The following HOOK3 variants were observed in gnomAD, a reference collection of about 807,000 sequenced individuals.
HOOK3 encodes hook microtubule tethering protein 3.
In HOOK3, 24 loss-of-function variants were observed where a neutral mutation model predicts 116.3. The ratio of observed to expected loss-of-function variants is 0.21; its 90% CI spans 0.15 to 0.29. The LOEUF is 0.29. Ranked by LOEUF, HOOK3 falls within the 10% of genes least tolerant of loss-of-function variation. The pLI, the probability that HOOK3 is intolerant of heterozygous loss-of-function variation, is 1.00. For missense variants in HOOK3, 632 were observed against 830.2 expected (o/e 0.76, Z 2.93); for synonymous variants, 275 against 283.0 (o/e 0.97, Z 0.28).
intron 2 of HOOK3, among the ~76,000 whole-genome samples, chr8:42,917,659 C>T (rs933911019): frequency 7.9e-5 from 12 of 152,138 alleles, no homozygotes; most frequent in African/African-American, 2.9e-4. Context: ...AGAGTAAGGT[C>T]AGAAGTGCCA....
intron 1 of HOOK3, among the ~76,000 whole-genome samples, chr8:42,900,369 G>A (rs938775796): frequency 6.6e-6 from 1 of 152,122 alleles, no homozygotes; most frequent in African/African-American, 2.4e-5. Context: ...AGGTTTTAGA[G>A]ACTGAAAAAC....
At chr8:43,002,979 T>C (rs1210133912) in intron 17 of HOOK3, among the ~76,000 whole-genome samples, 2 of 152,250 alleles carry the variant, frequency 1.3e-5, no homozygotes, top group Non-Finnish European at 2.9e-5. Flanking sequence ...CATATTTTTT[T>C]TCATGAAGAA....
intron 18 of HOOK3, among the ~76,000 whole-genome samples, chr8:43,009,363 G>A (rs1245187149): frequency 6.6e-6 from 1 of 151,304 alleles, no homozygotes; most frequent in Non-Finnish European, 1.5e-5. Flanking sequence ...CCGAGATCTC[G>A]CCACTGTGCT....
At chr8:42,928,429 C>T (rs1047368070) in intron 3 of HOOK3, among the ~76,000 whole-genome samples, 3 of 151,008 alleles carry the variant, frequency 2.0e-5, no homozygotes, top group Admixed American at 6.6e-5. Flanking sequence ...CCAGCCTGGG[C>T]GACAGAGCAA....
intron 11 of HOOK3, among the ~76,000 whole-genome samples, chr8:42,972,308 T>A (rs1430818903): frequency 6.6e-6 from 1 of 152,236 alleles, no homozygotes; most frequent in Non-Finnish European, 1.5e-5. Context: ...CTCTAATTGC[T>A]TGGCTTAGGT....
At chr8:42,952,933 C>T (rs1808368168) in intron 6 of HOOK3, among the ~76,000 whole-genome samples, 3 of 151,952 alleles carry the variant, frequency 2.0e-5, no homozygotes, top group Admixed American at 1.3e-4. Flanking sequence ...GCTGCTGTGC[C>T]GTTCTTAATA....
In HOOK3 at chr8:43,023,205, C is replaced by CAAAAAAAAAA. The variant is rs766633886; in HGVS notation, c.*4721_*4730dup. On this transcript the variant is annotated 3_prime_UTR_variant, in exon 22 of 22. Coordinates refer to ENST00000307602, the MANE Select transcript of HOOK3 (RefSeq NM_032410.4). The stretch of plus-strand genomic sequence containing the variant: ...TGGGCCACAGAGTGAGACTCCATCT[C>CAAAAAAAAAA]AAAAAAAAAAAAAAAAAAAAAAAGA... 1.4e-5 allele frequency: 1 copy of CAAAAAAAAAA among 70,446 alleles called. No individual in the cohort carries two copies. Among genetic ancestry groups the CAAAAAAAAAA allele is most frequent in the Non-Finnish European group, 2.7e-5 (1 of 36,478 alleles). The allele number at this position is 70,446 out of a possible 1,614,324, so 4.4% of individuals were successfully genotyped here.
rs939075664 is a variant in HOOK3, at chr8:43,030,398, AAT to A, written c.*11905_*11906del. The A allele has an allele frequency of 6.7e-5, 12 of 179,214 alleles. No homozygotes were observed. Among genetic ancestry groups the A allele is most frequent in the Middle Eastern group, 2.0e-3 (1 of 490 alleles). The allele number at this position is 179,214 out of a possible 1,614,324, so 11.1% of individuals were successfully genotyped here. ...TGTATGTGTTTATATGTATGCATATAATATATGTATATGTATATGAAGAATAA... is the reference window on the plus strand; with the variant it reads ...TGTATGTGTTTATATGTATGCATATAATATGTATATGTATATGAAGAATAA... On this transcript the variant is annotated 3_prime_UTR_variant, in exon 22 of 22. Transcript: ENST00000307602.
At chr8:42,897,781 A>G (rs2130301043) in intron 1 of HOOK3, among the ~76,000 whole-genome samples, 1 of 152,358 alleles carries the variant, frequency 6.6e-6, no homozygotes, top group South Asian at 2.1e-4. Context: ...CTGATTTTGA[A>G]TTCTTAAACG....
At chr8:43,016,590 G>T (rs887505951) in intron 21 of HOOK3, among the ~76,000 whole-genome samples, 3 of 152,198 alleles carry the variant, frequency 2.0e-5, no homozygotes, top group Non-Finnish European at 4.4e-5. Context: ...GTATTAAGTA[G>T]CTCAGAGAAT....
At chr8:43,003,716 G>A (rs1809420549) in intron 17 of HOOK3, among the ~76,000 whole-genome samples, 1 of 152,196 alleles carries the variant, frequency 6.6e-6, no homozygotes, top group South Asian at 2.1e-4. Flanking sequence ...CTTGAGGTTT[G>A]GAGGGACAAT....
chr8:43,002,429 C>T (rs543372165), intron 17 of HOOK3, among the ~76,000 whole-genome samples: 3 of 152,258 alleles, frequency 2.0e-5, no homozygotes, highest in Admixed American at 6.5e-5. Flanking sequence ...ACACCTCTTT[C>T]TATAAGGGGT....
chr8:42,925,512 G>A (rs1807747221), intron 2 of HOOK3, 45 bp from the exon 3 acceptor site: 2 of 1,281,442 alleles, frequency 1.6e-6, no homozygotes, highest in Non-Finnish European at 2.2e-6. Context: ...TGTTTAGCTT[G>A]ATAGCTACAT....
intron 1 of HOOK3, among the ~76,000 whole-genome samples, chr8:42,901,916 G>T (rs547821157): frequency 2.6e-5 from 4 of 152,210 alleles, no homozygotes; most frequent in African/African-American, 9.6e-5. Flanking sequence ...CACTATGTTG[G>T]TCAGGCTGGT....
At chr8:42,949,205 A>G (rs1012510857) in intron 5 of HOOK3, among the ~76,000 whole-genome samples, 4 of 152,204 alleles carry the variant, frequency 2.6e-5, no homozygotes, top group Non-Finnish European at 4.4e-5. Flanking sequence ...AGGTAGGTTG[A>G]GCCTAAAATT....
In HOOK3 at chr8:42,906,151, C is replaced by CG. The variant is rs760562693; in HGVS notation, c.58-22_58-21insG. 32 of 1,101,566 alleles carry CG rather than the reference C, an allele frequency of 2.9e-5. 2 individuals are homozygous for CG. Among genetic ancestry groups the CG allele is most frequent in the African/African-American group, 2.4e-4 (15 of 61,522 alleles). 68.2% of individuals were successfully genotyped at this position (1,101,566 alleles called of 1,614,324 possible). On this transcript the variant is annotated intron_variant, in intron 1 of 21. Coordinates refer to ENST00000307602, the MANE Select transcript of HOOK3 (RefSeq NM_032410.4). ...GAGGTAACCACAGAATCTCTCCCCC[C>CG]CCCCTCTTTTTTTCCCTTCAGATCC... is the stretch of plus-strand genomic sequence containing the variant.
rs539309522 is a variant in HOOK3, at chr8:43,003,059, C to A, written c.1655+918C>A. Among the ~76,000 whole-genome samples, 7 of 152,180 alleles carry A rather than the reference C, an allele frequency of 4.6e-5. No homozygotes were observed. In the South Asian group the frequency reaches 6.2e-4, roughly 14 times the overall value. ...GATGTTTCATAATTTTTCTTGCACC[C>A]AGTAACAACCTTAATCCTTCTCATC... On this transcript the variant is annotated intron_variant, in intron 17 of 21. Transcript: ENST00000307602.
intron 10 of HOOK3, among the ~76,000 whole-genome samples, chr8:42,966,971 G>A (rs745620613): frequency 2.0e-4 from 31 of 151,928 alleles, no homozygotes; most frequent in Non-Finnish European, 4.1e-4. Flanking sequence ...TTCTTGCTGG[G>A]CCTTGTTATT....
chr8:43,019,240 A>G lies in HOOK3; in HGVS notation c.*742A>G. On this transcript the variant is annotated 3_prime_UTR_variant, in exon 22 of 22. Coordinates refer to ENST00000307602, the MANE Select transcript of HOOK3 (RefSeq NM_032410.4). The stretch of plus-strand genomic sequence containing the variant: ...TGAGGTTATTTTGGGATAAATTACA[A>G]AAGAAAAAAAATTAGACACTGCATT... The G allele has an allele frequency of 4.7e-6, 1 of 212,898 alleles. No individual in the cohort carries two copies. Among genetic ancestry groups the G allele is most frequent in the South Asian group, 1.9e-4 (1 of 5,356 alleles). 13.2% of individuals were successfully genotyped at this position (212,898 alleles called of 1,614,324 possible).
Sources: gnomAD v4.1 joint callset for allele counts (sites outside exome capture counted in the v4.1 genomes callset) on GRCh38, gnomAD v4.1.1 for gene constraint, MANE v1.5 for transcripts, NCBI Gene and HGNC (gene_info 2026-07-23, HGNC 2026-07-21) for gene names.